RBM45: variants seen among roughly 807,000 people sequenced by gnomAD.
RBM45 encodes RNA-binding protein 45.
A neutral mutation model predicts 58.5 loss-of-function variants in RBM45; 39 were observed. That is an observed-to-expected ratio of 0.67 (90% CI 0.52 to 0.87). RBM45 has a LOEUF of 0.87. Ranked by LOEUF, RBM45 falls within the 40% of genes least tolerant of loss-of-function variation. The pLI is 0.00. For synonymous variants in RBM45, 193 were observed against 203.0 expected, an observed-to-expected ratio of 0.95 and a Z score of 0.42; for missense variants, 481 against 581.6, an observed-to-expected ratio of 0.83 and a Z score of 1.78.
chr2:178,120,228 G>T, intron 3 of RBM45, 59 bp from the exon 4 acceptor site: 1 of 1,601,412 alleles, frequency 6.2e-7, no homozygotes, highest in Non-Finnish European at 8.5e-7. Flanking sequence ...TAGCAATCAA[G>T]TATATTTGCA....
chr2:178,126,251 T>C (rs1376907204), intron 9 of RBM45, 67 bp downstream of exon 9: 1 of 1,022,418 alleles, frequency 9.8e-7, no homozygotes, highest in African/African-American at 1.6e-5. Flanking sequence ...TATGTGTAAG[T>C]ACTTTATAAA....
At chr2:178,118,301 G>GT in intron 3 of RBM45, 120 bp downstream of exon 3, 1 of 960,814 alleles carries the variant, frequency 1.0e-6, no homozygotes, top group Non-Finnish European at 1.5e-6. Context: ...TTAGCAGTGG[G>GT]TATTTAAATA....
At chr2:178,113,795 T>C (rs892151735) in intron 1 of RBM45, among the ~76,000 whole-genome samples, 1 of 152,230 alleles carries the variant, frequency 6.6e-6, no homozygotes, top group African/African-American at 2.4e-5. Context: ...CCCATGTAAA[T>C]AGTTGCTGTG....
chr2:178,123,468 C>A, intron 5 of RBM45, 54 bp from the exon 6 acceptor site: 1 of 1,512,752 alleles, frequency 6.6e-7, no homozygotes, highest in Non-Finnish European at 8.8e-7. Context: ...GTAACATAGG[C>A]CTTAGGCACT....
chr2:178,127,010 C>T (rs2153906121), intron 9 of RBM45, among the ~76,000 whole-genome samples: 1 of 152,066 alleles, frequency 6.6e-6, no homozygotes, highest in African/African-American at 2.4e-5. Context: ...GATCTCGATT[C>T]ACTGCAACCT....
At chr2:178,116,139 CTTT>C (rs1421596694) in intron 1 of RBM45, 120 bp from the exon 2 acceptor site, 11 of 1,180,262 alleles carry the variant, frequency 9.3e-6, no homozygotes, top group Non-Finnish European at 1.2e-5. Context: ...TTTTTTTTTT[CTTT>C]GAGACCCTGT....
rs796197307 is a variant in RBM45 at position 178,118,298 on chromosome 2, T to G, written c.550+117T>G. The G allele has an allele frequency of 8.1e-6, 8 of 988,672 alleles. No individual in the cohort carries two copies. In the African/African-American group the frequency reaches 1.3e-4, roughly 16 times the overall value. 61.2% of individuals were successfully genotyped at this position (988,672 alleles called of 1,614,324 possible). Reference sequence around the variant, plus strand: ...GTATCTGCTAATGTAATTTTAGCAGTGGGTATTTAAATATTTACAGTCCAA... The same window carrying G: ...GTATCTGCTAATGTAATTTTAGCAGGGGGTATTTAAATATTTACAGTCCAA... On this transcript the variant is annotated intron_variant, in intron 3 of 9. Coordinates refer to ENST00000286070, the MANE Select transcript of RBM45 (RefSeq NM_152945.4).
In RBM45 at chr2:178,124,200, A is replaced by T; in HGVS notation, c.1142A>T (p.Lys381Ile). ...TDVVLPSCKK[K>I]APAETPVKER... Reference sequence around the variant, plus strand: ...GTTGTACTTCCATCATGCAAAAAAAAAGCTCCTGCTGAAACTCCTGTGAAA... The same window carrying T: ...GTTGTACTTCCATCATGCAAAAAAATAGCTCCTGCTGAAACTCCTGTGAAA... Residue 381 changes from lysine to isoleucine, a missense_variant, in exon 8 of 10, where the codon AAA (lysine) becomes ATA (isoleucine). By Grantham distance (102) the Lys-to-Ile change is moderately radical (BLOSUM62 -3). Transcript: ENST00000286070. 6.2e-7 allele frequency: 1 copy of T among 1,611,768 alleles called. No individual in the cohort carries two copies. The highest frequency in any genetic ancestry group is 2.2e-5 in the East Asian group (1 of 44,852).
At chr2:178,112,904 C>A in intron 1 of RBM45, 58 bp downstream of exon 1, 2 of 1,530,044 alleles carry the variant, frequency 1.3e-6, no homozygotes, top group Non-Finnish European at 8.9e-7. Flanking sequence ...TTGGACCTCC[C>A]TTCACCTGCT....
chr2:178,130,145 A>G (rs1168552541), downstream of RBM45, among the ~76,000 whole-genome samples: 2 of 152,216 alleles, frequency 1.3e-5, no homozygotes, highest in Non-Finnish European at 2.9e-5. Context: ...TATAGAAATA[A>G]TGGCCACTCC....
intron 9 of RBM45, among the ~76,000 whole-genome samples, chr2:178,127,214 C>T (rs2087944551): frequency 1.3e-5 from 2 of 152,184 alleles, no homozygotes; most frequent in South Asian, 4.1e-4. Flanking sequence ...TGAGCCACTG[C>T]GCCTGGCCTA....
At chr2:178,137,538 T>C (rs1367355791) in exon 4 of RBM45, 1 of 152,220 alleles carries the variant, frequency 6.6e-6, no homozygotes. Context: ...TTGCTACACT[T>C]ATAATGATTT....
intron 9 of RBM45, among the ~76,000 whole-genome samples, chr2:178,128,032 A>G (rs943370360): frequency 1.6e-5 from 2 of 122,228 alleles, no homozygotes; most frequent in Non-Finnish European, 3.2e-5. Flanking sequence ...TAAACACAGA[A>G]TCTTAGTCTG....
chr2:178,124,795 C>CAA lies in RBM45; in HGVS notation c.1232+506_1232+507insAA, dbSNP rs370505975. On this transcript the variant is annotated intron_variant, in intron 8 of 9. Coordinates refer to ENST00000286070, the MANE Select transcript of RBM45 (RefSeq NM_152945.4). ...TGCTACTGTACTCCAGCCTGGGTGACAGAGTGAGACCCTTTTTGTTTTTTG... is the reference window on the plus strand; with the variant it reads ...TGCTACTGTACTCCAGCCTGGGTGACAAAGAGTGAGACCCTTTTTGTTTTTTG... Among the ~76,000 whole-genome samples, 19 of 152,300 alleles carry CAA rather than the reference C, an allele frequency of 1.2e-4. No homozygotes were observed. In the Middle Eastern group the frequency reaches 0.01, roughly 82 times the overall value.
At chr2:178,124,106 T>A in intron 7 of RBM45, 21 bp from the exon 8 acceptor site, 1 of 1,573,502 alleles carries the variant, frequency 6.4e-7, no homozygotes, top group Non-Finnish European at 8.6e-7. Context: ...TTTCTTTTTC[T>A]TGTTTTCTAC....
intron 1 of RBM45, among the ~76,000 whole-genome samples, chr2:178,113,559 A>T (rs767569785): frequency 1.3e-5 from 2 of 152,236 alleles, no homozygotes; most frequent in Non-Finnish European, 2.9e-5. Context: ...CTGCCTTAAG[A>T]AGAGCCAAAT....
At chr2:178,125,082 C>T (rs1000027279) in intron 8 of RBM45, among the ~76,000 whole-genome samples, 1 of 151,868 alleles carries the variant, frequency 6.6e-6, no homozygotes, top group Non-Finnish European at 1.5e-5. Context: ...AAGAGCTGCA[C>T]AAAATATCAG....
At chr2:178,123,779 A>G in intron 6 of RBM45, 49 bp from the exon 7 acceptor site, 1 of 1,605,876 alleles carries the variant, frequency 6.2e-7, no homozygotes, top group Non-Finnish European at 8.5e-7. Flanking sequence ...CTACTGTTAA[A>G]AGACTGAATA....
At chr2:178,125,691 T>A (rs1314360591) in intron 8 of RBM45, 8 of 556,510 alleles carry the variant, frequency 1.4e-5, no homozygotes, top group Non-Finnish European at 2.5e-5. Context: ...CATATTTATG[T>A]TTTAGAAAGA....
Sources: allele counts gnomAD v4.1 joint callset (sites outside exome capture counted in the v4.1 genomes callset), GRCh38; gene constraint gnomAD v4.1.1; transcripts MANE v1.5; gene names NCBI Gene and HGNC (gene_info 2026-07-23, HGNC 2026-07-21).